The following HDAC4 variants were observed in gnomAD, a reference collection of about 807,000 sequenced individuals.
HDAC4 encodes the protein histone deacetylase 4.
A neutral mutation model predicts 135.1 loss-of-function variants in HDAC4; 16 were observed. That is an observed-to-expected ratio of 0.12 (90% CI 0.08 to 0.18). The LOEUF is 0.18. Among genes scored for constraint, HDAC4 ranks in the 10% least tolerant of loss-of-function variants. The pLI is 1.00. For synonymous variants in HDAC4, 685 were observed against 653.4 expected, an observed-to-expected ratio of 1.05 and a Z score of -0.74; for missense variants, 1,143 against 1,511.8, an observed-to-expected ratio of 0.76 and a Z score of 4.05.
chr2:239,153,628 T>C (rs2152941139), intron 7 of HDAC4, among the ~76,000 whole-genome samples: 1 of 152,356 alleles, frequency 6.6e-6, no homozygotes, highest in Admixed American at 6.5e-5. Context: ...TTTAAAAAAC[T>C]GATAATGCAA....
chr2:239,333,468 A>G (rs1334033025), intron 2 of HDAC4, among the ~76,000 whole-genome samples: 2 of 152,174 alleles, frequency 1.3e-5, no homozygotes, highest in Non-Finnish European at 2.9e-5. Context: ...AAGAAAAAAT[A>G]ACACGTCAAT....
chr2:239,111,562 C>T lies in HDAC4; in HGVS notation c.1942G>A (p.Val648Met). 3 of 1,612,436 alleles carry T rather than the reference C, an allele frequency of 1.9e-6. No homozygotes were observed. The South Asian group carries it at 3.3e-5, about 18-fold the overall frequency. The change falls in exon 14 of 27, where the codon GTG becomes ATG. Residue 648 changes from valine to methionine, a missense_variant. Transcript: ENST00000543185. ...CTCGGCTTGGTGGGGGGCTCCTGCA[C>T]AGACACGGGGAAGGTGGCAGACGCG... ...SPASATFPVS[V>M]QEPPTKPRFT...
rs2152799328 is a variant in HDAC4 at position 239,111,589 on chromosome 2, G to A, written c.1915C>T (p.Pro639Ser). ...HRPLSRAQSSPASATFPVSVQ... is the reference protein window; with the variant it reads ...HRPLSRAQSSSASATFPVSVQ... ...GACACGGGGAAGGTGGCAGACGCGGGTGAGGACTGCGCCCGGGACAGAGGC... is the reference window on the plus strand; with the variant it reads ...GACACGGGGAAGGTGGCAGACGCGGATGAGGACTGCGCCCGGGACAGAGGC... Residue 639 changes from proline to serine, a missense_variant, in exon 14 of 27, where the codon CCC becomes TCC. This residue lies in a region of HDAC4 where 196 missense variants were observed against 210.7 expected (regional missense o/e 0.93). Coordinates refer to ENST00000543185, the MANE Select transcript of HDAC4 (RefSeq NM_001378414.1). The A allele has an allele frequency of 6.2e-7, 1 of 1,612,066 alleles. No individual in the cohort carries two copies. Among genetic ancestry groups the A allele is most frequent in the Non-Finnish European group, 8.5e-7 (1 of 1,179,654 alleles).
chr2:239,284,776 T>C (rs1340953032), intron 2 of HDAC4, among the ~76,000 whole-genome samples: 1 of 152,136 alleles, frequency 6.6e-6, no homozygotes, highest in Non-Finnish European at 1.5e-5. Flanking sequence ...GAGACCAGTG[T>C]CCCGGTTCAA....
chr2:239,278,409 C>A (rs529905278), intron 2 of HDAC4, among the ~76,000 whole-genome samples: 1 of 152,210 alleles, frequency 6.6e-6, no homozygotes, highest in African/African-American at 2.4e-5. Flanking sequence ...AGGACAAGGG[C>A]TCACGCCTAT....
chr2:239,144,602 C>G lies in HDAC4; in HGVS notation c.846G>C (p.Lys282Asn). Residue 282 changes from lysine to asparagine, a missense_variant, in exon 8 of 27, where the codon AAG becomes AAC. Physicochemically the swap from Lys to Asn is moderately conservative, Grantham distance 94. Coordinates refer to ENST00000543185, the MANE Select transcript of HDAC4 (RefSeq NM_001378414.1). ...ACATACCTGTGACATCCAACGGACG[C>G]TTTTTTAGAGCAGTGACCACTGGCC... The part of the protein sequence containing the change: ...KDGPVVTALK[K>N]RPLDVTDSAC... 6.2e-7 allele frequency: 1 copy of G among 1,614,092 alleles called. No individual in the cohort carries two copies. The highest frequency in any genetic ancestry group is 8.5e-7 in the Non-Finnish European group (1 of 1,180,044).
chr2:239,128,084 T>C (rs1449455485), intron 11 of HDAC4, among the ~76,000 whole-genome samples: 1 of 152,180 alleles, frequency 6.6e-6, no homozygotes, highest in Non-Finnish European at 1.5e-5. Flanking sequence ...TTCACTAGTG[T>C]TCTCTAAACC....
chr2:239,276,543 A>C (rs12615955), intron 2 of HDAC4, among the ~76,000 whole-genome samples: 16,146 of 152,182 alleles, frequency 0.11, 1,459 homozygotes, highest in East Asian at 0.43. Context: ...AGTCATGGGG[A>C]CCTAAGTCCC....
chr2:239,311,655 C>T (rs955493390), intron 2 of HDAC4, among the ~76,000 whole-genome samples: 1 of 152,206 alleles, frequency 6.6e-6, no homozygotes, highest in Non-Finnish European at 1.5e-5. Context: ...TCCAAAACCA[C>T]ACACAGGGGA....
chr2:239,136,561 C>T (rs2040970129), intron 9 of HDAC4, among the ~76,000 whole-genome samples: 1 of 152,216 alleles, frequency 6.6e-6, no homozygotes, highest in African/African-American at 2.4e-5. Flanking sequence ...AACTAAAAAG[C>T]TTCTGCACAG....
At chr2:239,268,745 G>A (rs1481338209) in intron 2 of HDAC4, among the ~76,000 whole-genome samples, 2 of 152,210 alleles carry the variant, frequency 1.3e-5, no homozygotes, top group African/African-American at 4.8e-5. Flanking sequence ...AGAGATCCAG[G>A]TGTGAGAACT....
intron 2 of HDAC4, among the ~76,000 whole-genome samples, chr2:239,267,154 T>C (rs751009771): frequency 9.2e-5 from 14 of 152,216 alleles, no homozygotes; most frequent in Non-Finnish European, 1.9e-4. Flanking sequence ...TGACCTCTGA[T>C]GTTGCCATCT....
At chr2:239,396,666 T>G (rs1696582162) in intron 1 of HDAC4, among the ~76,000 whole-genome samples, 1 of 152,236 alleles carries the variant, frequency 6.6e-6, no homozygotes, top group South Asian at 2.1e-4. Context: ...ATGTGGTATG[T>G]ATTTTCTCTC....
chr2:239,345,057 AC>A (rs544761839), intron 2 of HDAC4, among the ~76,000 whole-genome samples: 50 of 149,320 alleles, frequency 3.3e-4, no homozygotes, highest in Non-Finnish European at 6.2e-4. Context: ...CTGCCTACAC[AC>A]CCCCTCCTCC....
At chr2:239,363,623 A>C (rs1261402103) in intron 1 of HDAC4, among the ~76,000 whole-genome samples, 1 of 152,234 alleles carries the variant, frequency 6.6e-6, no homozygotes, top group African/African-American at 2.4e-5. Flanking sequence ...AAAGGTAAGC[A>C]ATGAGGCCTG....
At chr2:239,269,206 C>G (rs768239377) in intron 2 of HDAC4, among the ~76,000 whole-genome samples, 15 of 151,870 alleles carry the variant, frequency 9.9e-5, no homozygotes, top group Admixed American at 1.3e-4. Flanking sequence ...CATTCACACA[C>G]CCACACACAT....
At chr2:239,231,035 G>T (rs749385209) in intron 3 of HDAC4, among the ~76,000 whole-genome samples, 1 of 152,194 alleles carries the variant, frequency 6.6e-6, no homozygotes, top group African/African-American at 2.4e-5. Context: ...GGAATCCAAC[G>T]CTGAAGCCAA....
At chr2:239,168,841 C>T (rs1318180) in intron 5 of HDAC4, among the ~76,000 whole-genome samples, 78,119 of 152,120 alleles carry the variant, frequency 0.51, 20,788 homozygotes, top group South Asian at 0.72. Flanking sequence ...CCCAACTGTA[C>T]ACAGTTTATT....
intron 2 of HDAC4, among the ~76,000 whole-genome samples, chr2:239,340,613 T>A (rs977346226): frequency 6.6e-6 from 1 of 152,196 alleles, no homozygotes; most frequent in African/African-American, 2.4e-5. Context: ...AGCCTGGACA[T>A]GGAGACACAC....
Sources: gnomAD v4.1 joint callset for allele counts (sites outside exome capture counted in the v4.1 genomes callset) on GRCh38, gnomAD v4.1.1 for gene constraint, gnomAD v4.1.1 regional missense constraint, MANE v1.5 for transcripts, NCBI Gene and HGNC (gene_info 2026-07-23, HGNC 2026-07-21) for gene names.